The following DHDH variants were observed in gnomAD, a reference collection of about 807,000 sequenced individuals.
The protein encoded by DHDH is trans-1,2-dihydrobenzene-1,2-diol dehydrogenase.
In DHDH, 29 loss-of-function variants were observed where a neutral mutation model predicts 33.2. The ratio of observed to expected loss-of-function variants is 0.87; its 90% CI spans 0.65 to 1.19. The LOEUF (loss-of-function observed/expected upper bound fraction) is 1.19, where lower values mean the gene tolerates loss of function less well. Ranked by LOEUF, DHDH falls within the 50% of genes most tolerant of loss-of-function variation. The pLI, the probability that DHDH is intolerant of heterozygous loss-of-function variation, is 0.00. For missense variants in DHDH, 431 were observed against 455.0 expected (o/e 0.95, Z 0.48); for synonymous variants, 201 against 187.9 (o/e 1.07, Z -0.57).
At chr19:48,943,062 A>AT (rs2037887221) in intron 5 of DHDH, among the ~76,000 whole-genome samples, 1 of 145,612 alleles carries the variant, frequency 6.9e-6, no homozygotes, top group African/African-American at 2.6e-5. Flanking sequence ...TCTCAAAAAA[A>AT]AAAATATATA....
Position 48,936,059 on chromosome 19 carries a change from C to T in DHDH, c.230C>T (p.Pro77Leu), listed in dbSNP as rs1479227680. ...VEVAYIGTQH[P>L]QHKAAVMLCL... ...GTGGCCTACATTGGCACCCAGCACC[C>T]CCAGCACAAGGCGGCGGTGATGCTG... The change falls in exon 3 of 7, where the codon CCC (proline) becomes CTC (leucine). Residue 77 changes from proline to leucine, a missense_variant. Physicochemically the swap from Pro to Leu is moderately conservative, Grantham distance 98. Coordinates refer to ENST00000221403, the MANE Select transcript of DHDH (RefSeq NM_014475.4). 3 of 1,607,836 alleles carry T rather than the reference C, an allele frequency of 1.9e-6. No individual in the cohort carries two copies. In the South Asian group the frequency reaches 3.3e-5, roughly 18 times the overall value.
At chr19:48,941,416 T>G (rs1460824990) in intron 4 of DHDH, among the ~76,000 whole-genome samples, 2 of 152,146 alleles carry the variant, frequency 1.3e-5, no homozygotes, top group Non-Finnish European at 2.9e-5. Context: ...GTATCTCACT[T>G]TGCCACCCAG....
intron 4 of DHDH, among the ~76,000 whole-genome samples, chr19:48,940,812 T>A (rs528908587): frequency 2.9e-4 from 44 of 152,230 alleles, no homozygotes; most frequent in African/African-American, 1.1e-3. Context: ...ACTGAGATGG[T>A]GCCACTGCAT....
intron 1 of DHDH, 139 bp from the exon 2 acceptor site, chr19:48,934,861 C>T: frequency 1.8e-6 from 1 of 564,454 alleles, no homozygotes; most frequent in South Asian, 3.0e-5. Context: ...TCCCAGGGCC[C>T]AAATGTCCAG....
chr19:48,943,994 CA>C (rs999516776), intron 5 of DHDH, among the ~76,000 whole-genome samples: 1 of 150,184 alleles, frequency 6.7e-6, no homozygotes, highest in Non-Finnish European at 1.5e-5. Context: ...GACTCCATCT[CA>C]AAAAAAAGAA....
At chr19:48,939,751 T>C (rs772050489) in intron 4 of DHDH, 50 bp downstream of exon 4, 5 of 1,535,296 alleles carry the variant, frequency 3.3e-6, no homozygotes, top group Admixed American at 1.9e-5. Context: ...ATTCTGTCTC[T>C]CTGGGAGCAC....
chr19:48,936,158 T>C lies in DHDH; in HGVS notation c.329T>C (p.Val110Ala). ...AACGCGGCGGAAGTTCGCGAGATGG[T>C]CGCGGAGGCCCGATCCCGAGCCCTC... ...GVNAAEVREM[V>A]AEARSRALFL... Residue 110 changes from valine to alanine, a missense_variant, in exon 3 of 7, where the codon GTC (valine) becomes GCC (alanine). Physicochemically the swap from Val to Ala is moderately conservative, Grantham distance 64. Coordinates refer to ENST00000221403, the MANE Select transcript of DHDH (RefSeq NM_014475.4). The C allele has an allele frequency of 6.2e-7, 1 of 1,606,006 alleles. No homozygotes were observed. Among genetic ancestry groups the C allele is most frequent in the Non-Finnish European group, 8.5e-7 (1 of 1,177,130 alleles).
intron 1 of DHDH, among the ~76,000 whole-genome samples, chr19:48,934,306 T>C (rs2037742205): frequency 1.3e-5 from 2 of 152,194 alleles, no homozygotes; most frequent in Admixed American, 6.6e-5. Flanking sequence ...CTGGGTATTG[T>C]CCAGGGTTTC....
At chr19:48,939,334 C>A in intron 3 of DHDH, 115 bp from the exon 4 acceptor site, 1 of 1,262,054 alleles carries the variant, frequency 7.9e-7, no homozygotes, top group Non-Finnish European at 1.1e-6. Context: ...AGGGATACAA[C>A]CTGGGGACTG....
chr19:48,944,757 G>C, intron 6 of DHDH, 67 bp from the exon 7 acceptor site: 1 of 1,419,672 alleles, frequency 7.0e-7, no homozygotes, highest in South Asian at 1.2e-5. Context: ...TGGAATTCTG[G>C]GAATTGTAGT....
intron 3 of DHDH, 74 bp from the exon 4 acceptor site, chr19:48,939,374 TG>T: frequency 6.6e-7 from 1 of 1,512,798 alleles, no homozygotes; most frequent in Non-Finnish European, 8.9e-7. Context: ...TGGGTTGCAG[TG>T]GGTATCCCCC....
At chr19:48,933,620 T>C (rs570822496), upstream of DHDH, 32 of 1,088,400 alleles carry the variant, frequency 2.9e-5, no homozygotes, top group East Asian at 7.1e-4. Context: ...GTAGGCGCAA[T>C]ACGGGCGGAG....
intron 3 of DHDH, among the ~76,000 whole-genome samples, chr19:48,938,560 C>T (rs775617912): frequency 1.9e-4 from 29 of 152,200 alleles, no homozygotes; most frequent in Admixed American, 3.9e-4. Context: ...CACTGGCCTG[C>T]ATGCTCTATA....
intron 1 of DHDH, among the ~76,000 whole-genome samples, chr19:48,934,108 G>C (rs10402683): frequency 0.32 from 48,752 of 152,178 alleles, 12,487 homozygotes; most frequent in African/African-American, 0.72. Context: ...AGCCCCAACC[G>C]TGTGCTCACA....
chr19:48,935,324 G>A (rs1216567302), intron 2 of DHDH, among the ~76,000 whole-genome samples: 1 of 152,146 alleles, frequency 6.6e-6, no homozygotes, highest in African/African-American at 2.4e-5. Context: ...ACCAGCCTCG[G>A]CAACGTAGCA....
chr19:48,936,293 G>A (rs1466164305), intron 3 of DHDH, 98 bp downstream of exon 3: 3 of 1,408,290 alleles, frequency 2.1e-6, no homozygotes, highest in South Asian at 3.0e-5. Context: ...TTGCCAGGAT[G>A]TATCTGAATC....
At chr19:48,933,901 G>GT (rs749792249) in intron 1 of DHDH, 90 bp downstream of exon 1, 28 of 1,207,044 alleles carry the variant, frequency 2.3e-5, no homozygotes, top group Non-Finnish European at 3.2e-5. Context: ...TTCAGGACTA[G>GT]TGAGTGGGTC....
rs1353768707 is a variant in DHDH, at chr19:48,944,943, G to A, written c.*10G>A. ...CCAAGACAAACGCTGATGTATCCCC[G>A]AATAAATAAAGACATCTTACATCTT... On this transcript the variant is annotated 3_prime_UTR_variant, in exon 7 of 7. Transcript: ENST00000221403. 4.1e-5 allele frequency: 66 copies of A among 1,610,172 alleles called. No homozygotes were observed. The highest frequency in any genetic ancestry group is 5.4e-5 in the Non-Finnish European group (64 of 1,176,780).
intron 4 of DHDH, 56 bp from the exon 5 acceptor site, chr19:48,942,384 C>T: frequency 1.4e-5 from 20 of 1,468,904 alleles, no homozygotes; most frequent in Non-Finnish European, 1.7e-5. Flanking sequence ...GGGGCCTGTG[C>T]AGTCTCAGAG....
Sources: gnomAD v4.1 joint callset for allele counts (sites outside exome capture counted in the v4.1 genomes callset) on GRCh38, gnomAD v4.1.1 for gene constraint, MANE v1.5 for transcripts, NCBI Gene and HGNC (gene_info 2026-07-23, HGNC 2026-07-21) for gene names.